Variants in XKR6 observed in about 807,000 individuals in gnomAD.
XKR6 encodes the protein XK-related protein 6.
In XKR6, 22 loss-of-function variants were observed where a neutral mutation model predicts 56.7. That is an observed-to-expected ratio of 0.39 (90% CI 0.28 to 0.55). XKR6 has a LOEUF of 0.55. XKR6 is among the 20% of genes least tolerant of loss of function. The pLI, the probability that XKR6 is intolerant of heterozygous loss-of-function variation, is 0.66. For synonymous variants in XKR6, 524 were observed against 387.8 expected, an observed-to-expected ratio of 1.35 and a Z score of -4.13; for missense variants, 852 against 889.0, an observed-to-expected ratio of 0.96 and a Z score of 0.53.
chr8:11,059,493 AGCCATCTGCTGCGCGGGCGGC>A (rs1433725575), intron 1 of XKR6, among the ~76,000 whole-genome samples: 63 of 152,144 alleles, frequency 4.1e-4, no homozygotes, highest in African/African-American at 1.5e-3. Context: ...GCAGCTGCGG[AGCCATCTGCTGCGCGGGCGGC>A]GCCGCTCCAG....
intron 1 of XKR6, chr8:11,108,366 CAT>C (rs758978878): frequency 6.6e-5 from 30 of 456,090 alleles, no homozygotes; most frequent in African/African-American, 2.0e-4. Flanking sequence ...TTGAAGTACA[CAT>C]GTTACGCTGT....
At chr8:11,146,405 T>C (rs1445351669) in intron 1 of XKR6, among the ~76,000 whole-genome samples, 2 of 152,208 alleles carry the variant, frequency 1.3e-5, no homozygotes, top group African/African-American at 4.8e-5. Context: ...GCAGTCGGTC[T>C]GCATGAGGCC....
At chr8:11,015,816 G>C (rs985678140) in intron 1 of XKR6, among the ~76,000 whole-genome samples, 1 of 152,160 alleles carries the variant, frequency 6.6e-6, no homozygotes, top group Non-Finnish European at 1.5e-5. Flanking sequence ...GGGTGGGCTC[G>C]GCGTATCTAG....
intron 1 of XKR6, among the ~76,000 whole-genome samples, chr8:11,003,882 G>A (rs1798303367): frequency 6.6e-6 from 1 of 152,216 alleles, no homozygotes; most frequent in South Asian, 2.1e-4. Context: ...AAAGAGTCCA[G>A]GTGAACCGTC....
At chr8:10,961,137 G>C (rs1802047718) in intron 1 of XKR6, among the ~76,000 whole-genome samples, 1 of 152,172 alleles carries the variant, frequency 6.6e-6, no homozygotes, top group Non-Finnish European at 1.5e-5. Context: ...GGAAGGCTGT[G>C]AGCGGATGAA....
Position 11,072,232 on chromosome 8 carries a change from C to G in XKR6, c.764+128344G>C, listed in dbSNP as rs892728718. 4.7e-5 allele frequency among the ~76,000 whole-genome samples: 7 copies of G among 147,496 alleles called. No homozygotes were observed. The East Asian group carries it at 1.4e-3, about 29-fold the overall frequency. On this transcript the variant is annotated intron_variant, in intron 1 of 2. Coordinates refer to ENST00000416569, the MANE Select transcript of XKR6 (RefSeq NM_173683.4). Reference sequence around the variant, plus strand: ...CTGGAGAGACAGCAGGGCTCCACCCCCTCTCTGTTTTGGTAAGGTCTGCTG... The same window carrying G: ...CTGGAGAGACAGCAGGGCTCCACCCGCTCTCTGTTTTGGTAAGGTCTGCTG...
At chr8:10,997,408 A>G (rs899316650) in intron 1 of XKR6, among the ~76,000 whole-genome samples, 1 of 152,190 alleles carries the variant, frequency 6.6e-6, no homozygotes, top group Non-Finnish European at 1.5e-5. Flanking sequence ...TAGCCAACAA[A>G]TAGGGCAGCC....
chr8:10,902,253 C>G (rs1800056232), intron 2 of XKR6, among the ~76,000 whole-genome samples: 1 of 152,354 alleles, frequency 6.6e-6, no homozygotes, highest in South Asian at 2.1e-4. Flanking sequence ...GGGGAGTCTG[C>G]TGGCGAGCTA....
chr8:10,997,912 G>A (rs1158323650), intron 1 of XKR6, among the ~76,000 whole-genome samples: 3 of 152,184 alleles, frequency 2.0e-5, no homozygotes, highest in Non-Finnish European at 4.4e-5. Context: ...ATAGCATGCT[G>A]AGAGACACCT....
chr8:10,961,683 G>C (rs763732391), intron 1 of XKR6, among the ~76,000 whole-genome samples: 1 of 152,252 alleles, frequency 6.6e-6, no homozygotes, highest in Non-Finnish European at 1.5e-5. Context: ...TGAGAGGCAG[G>C]CAACTGCAGC....
chr8:10,912,327 T>C (rs1169828598), intron 2 of XKR6, among the ~76,000 whole-genome samples: 1 of 122,012 alleles, frequency 8.2e-6, no homozygotes, highest in African/African-American at 3.1e-5. Flanking sequence ...TATATATATA[T>C]ATATATATAT....
intron 1 of XKR6, among the ~76,000 whole-genome samples, chr8:11,113,502 G>C (rs140011083): frequency 6.6e-6 from 1 of 152,116 alleles, no homozygotes; most frequent in African/African-American, 2.4e-5. Context: ...TTCTCCAAAG[G>C]CACATCATAT....
chr8:10,967,840 G>A (rs1392346305), intron 1 of XKR6, among the ~76,000 whole-genome samples: 2 of 152,194 alleles, frequency 1.3e-5, no homozygotes, highest in African/African-American at 2.4e-5. Context: ...GTGCAGGTGG[G>A]ACAAGCCCAC....
chr8:11,090,918 ATT>A (rs1315244149), intron 1 of XKR6, among the ~76,000 whole-genome samples: 2 of 152,028 alleles, frequency 1.3e-5, no homozygotes, highest in African/African-American at 4.8e-5. Context: ...CAATCACCCC[ATT>A]TGATAGATGA....
chr8:11,048,509 C>T (rs371826971), intron 1 of XKR6, among the ~76,000 whole-genome samples: 1 of 152,158 alleles, frequency 6.6e-6, no homozygotes, highest in Non-Finnish European at 1.5e-5. Flanking sequence ...GACACCTGAG[C>T]GTGTGTTAAA....
chr8:11,178,119 G>A (rs1439327668), intron 1 of XKR6, among the ~76,000 whole-genome samples: 3 of 152,114 alleles, frequency 2.0e-5, no homozygotes, highest in Non-Finnish European at 4.4e-5. Context: ...GAAGAGGCAC[G>A]AAACCACACC....
chr8:10,917,615 G>A (rs1040241465), intron 2 of XKR6, among the ~76,000 whole-genome samples: 4 of 152,172 alleles, frequency 2.6e-5, no homozygotes, highest in Non-Finnish European at 5.9e-5. Context: ...CTTGCCCCCT[G>A]CTGAGTTAGA....
intron 1 of XKR6, among the ~76,000 whole-genome samples, chr8:11,162,405 C>T (rs984812584): frequency 2.6e-5 from 4 of 152,046 alleles, no homozygotes; most frequent in African/African-American, 4.8e-5. Flanking sequence ...TCAGATTCAC[C>T]AAGGTCACAA....
chr8:10,993,499 G>A lies in XKR6; in HGVS notation c.765-68669C>T, dbSNP rs918779519. ...AGCCAGGTGGCAGGCTGAACACTGAGCGGGCCCAGGGCCTGTGTCTTCAGG... is the reference window on the plus strand; with the variant it reads ...AGCCAGGTGGCAGGCTGAACACTGAACGGGCCCAGGGCCTGTGTCTTCAGG... On this transcript the variant is annotated intron_variant, in intron 1 of 2. Transcript: ENST00000416569. Among the ~76,000 whole-genome samples, 36 of 152,242 alleles carry A rather than the reference G, an allele frequency of 2.4e-4. 3 individuals are homozygous for A. The highest frequency in any genetic ancestry group is 7.3e-5 in the Non-Finnish European group (5 of 68,040).
Sources: gnomAD v4.1 joint callset for allele counts (sites outside exome capture counted in the v4.1 genomes callset) on GRCh38, gnomAD v4.1.1 for gene constraint, MANE v1.5 for transcripts, NCBI Gene and HGNC (gene_info 2026-07-23, HGNC 2026-07-21) for gene names.